Variants in MYPN observed in about 807,000 individuals in gnomAD.
MYPN encodes sarcomeric protein myopalladin, 145 kDa (MYOP).
MYPN carries 63 observed loss-of-function variants against 129.4 expected under a neutral mutation model. That is an observed-to-expected ratio of 0.49 (90% CI 0.40 to 0.60). MYPN has a LOEUF of 0.60. Among genes scored for constraint, MYPN ranks in the 20% least tolerant of loss-of-function variants. The probability of loss-of-function intolerance (pLI) is 0.00; values close to 1 mark genes in which losing one functional copy is unlikely to be tolerated. For missense variants in MYPN, 1,596 were observed against 1,635.4 expected (o/e 0.98, Z 0.42); for synonymous variants, 629 against 600.9 (o/e 1.05, Z -0.68).
chr10:68,161,134 C>T (rs1439523367), intron 7 of MYPN, among the ~76,000 whole-genome samples: 1 of 152,138 alleles, frequency 6.6e-6, no homozygotes, highest in African/African-American at 2.4e-5. Flanking sequence ...TCACAAACCT[C>T]CTTGGCTAAG....
At chr10:68,167,116 C>A (rs1341791646) in intron 10 of MYPN, among the ~76,000 whole-genome samples, 2 of 152,150 alleles carry the variant, frequency 1.3e-5, no homozygotes, top group Non-Finnish European at 2.9e-5. Flanking sequence ...AATGTACATC[C>A]TTACATCAAT....
chr10:68,099,328 A>G (rs1261573887), intron 1 of MYPN, among the ~76,000 whole-genome samples: 1 of 152,178 alleles, frequency 6.6e-6, no homozygotes, highest in African/African-American at 2.4e-5. Context: ...ATGAAGACCA[A>G]TTTCAAGGGC....
chr10:68,145,181 T>G (rs1278689012), intron 3 of MYPN, among the ~76,000 whole-genome samples: 1 of 152,022 alleles, frequency 6.6e-6, no homozygotes, highest in Non-Finnish European at 1.5e-5. Context: ...TGCACCACTA[T>G]GCCCAGCTAA....
intron 1 of MYPN, among the ~76,000 whole-genome samples, chr10:68,112,290 C>A (rs187387219): frequency 6.6e-6 from 1 of 152,174 alleles, no homozygotes; most frequent in Admixed American, 6.5e-5. Context: ...TTAAATAGTA[C>A]CTTTGAGCTC....
chr10:68,194,300 C>T, intron 13 of MYPN, 63 bp from the exon 14 acceptor site: 2 of 1,580,504 alleles, frequency 1.3e-6, no homozygotes, highest in African/African-American at 1.4e-5. Flanking sequence ...CACCCCAGAC[C>T]CTAGTTCATT....
intron 3 of MYPN, among the ~76,000 whole-genome samples, chr10:68,143,878 C>A (rs1185540235): frequency 1.3e-5 from 2 of 152,174 alleles, no homozygotes; most frequent in East Asian, 3.9e-4. Context: ...CCCCAGCCCC[C>A]CGAATAGCTG....
chr10:68,146,337 C>A (rs2042666510), intron 4 of MYPN, among the ~76,000 whole-genome samples: 1 of 152,110 alleles, frequency 6.6e-6, no homozygotes, highest in African/African-American at 2.4e-5. Context: ...ATTTGTCCTG[C>A]AAAACCCAGT....
In MYPN at chr10:68,195,789, GC is replaced by G. The variant is rs5785848; in HGVS notation, c.3158+258del. Among the ~76,000 whole-genome samples, 84,674 of 151,696 alleles carry G rather than the reference GC, an allele frequency of 0.56. 25,382 individuals carry two copies. The highest frequency in any genetic ancestry group is 0.66 in the Non-Finnish European group (44,817 of 67,834). On this transcript the variant is annotated intron_variant, in intron 15 of 19. Coordinates refer to ENST00000358913, the MANE Select transcript of MYPN (RefSeq NM_032578.4). ...AGTTTAACAAGCACTAGTCTCTGGG[GC>G]TTTTTTTTTAAGTTTGATTTTTATT...
intron 8 of MYPN, among the ~76,000 whole-genome samples, chr10:68,165,029 A>G (rs886493187): frequency 6.6e-6 from 1 of 152,132 alleles, no homozygotes; most frequent in Non-Finnish European, 1.5e-5. Flanking sequence ...TTTCACAGAA[A>G]CTTCCTTTTC....
At chr10:68,138,613 C>T (rs2042525152) in intron 2 of MYPN, among the ~76,000 whole-genome samples, 1 of 152,150 alleles carries the variant, frequency 6.6e-6, no homozygotes, top group South Asian at 2.1e-4. Context: ...AAAAATAGTT[C>T]TGTCTTCACA....
rs112015734 is a variant in MYPN at position 68,182,696 on chromosome 10, C to T, written c.2704-6209C>T. ...TACTTTTTTGTATTTTTAGTAGAGA[C>T]GAGGTTTCACCCCATTGGACTGGCT... On this transcript the variant is annotated intron_variant, in intron 12 of 19. Transcript: ENST00000358913. Among the ~76,000 whole-genome samples the T allele has an allele frequency of 4.9e-3, 750 of 151,746 alleles. 11 individuals carry two copies. The highest frequency in any genetic ancestry group is 0.017 in the African/African-American group (701 of 41,372).
chr10:68,185,592 G>A (rs1015041098), intron 12 of MYPN, among the ~76,000 whole-genome samples: 1 of 152,156 alleles, frequency 6.6e-6, no homozygotes, highest in Non-Finnish European at 1.5e-5. Flanking sequence ...CCACCCTCAT[G>A]AAAAGTTTGG....
At chr10:68,160,699 G>A (rs1467261125) in intron 7 of MYPN, among the ~76,000 whole-genome samples, 2 of 151,192 alleles carry the variant, frequency 1.3e-5, no homozygotes, top group Non-Finnish European at 3.0e-5. Flanking sequence ...GGCGGATCAC[G>A]TGAGGCCAGA....
rs35853407 is a variant in MYPN at position 68,161,515 on chromosome 10, CA to C, written c.1460-198del. On this transcript the variant is annotated intron_variant, in intron 7 of 19. Transcript: ENST00000358913. ...GGGCAACAAGAGTGAAACTCAGTCT[CA>C]AAAAAAAAAAAAAAAGTTTTTGCTC... 9.7e-3 allele frequency among the ~76,000 whole-genome samples: 1,128 copies of C among 116,758 alleles called. 8 individuals are homozygous for C. Among genetic ancestry groups the C allele is most frequent in the African/African-American group, 0.022 (761 of 34,024 alleles). The allele number at this position is 116,758 out of a possible 152,430, so 76.6% of individuals were successfully genotyped here.
chr10:68,209,671 CTT>C (rs35392300), intron 19 of MYPN, among the ~76,000 whole-genome samples: 43,683 of 131,506 alleles, frequency 0.33, 6,219 homozygotes, highest in South Asian at 0.4. Context: ...GAATTCTTTT[CTT>C]TTTTTTTTTT....
Position 68,109,634 on chromosome 10 carries a change from C to A in MYPN, c.-91C>A, listed in dbSNP as rs753003960. 3.3e-5 allele frequency: 15 copies of A among 454,088 alleles called. No individual in the cohort carries two copies. The highest frequency in any genetic ancestry group is 2.3e-4 in the South Asian group (15 of 64,476). The allele number at this position is 454,088 out of a possible 1,614,324, so 28.1% of individuals were successfully genotyped here. A position where few individuals can be genotyped will look rare whatever the true frequency, so the allele number is the denominator to read the frequency against. On this transcript the variant is annotated 5_prime_UTR_variant, in exon 1 of 20. Transcript: ENST00000358913. ...TGAAGAATTTCCCTCTTCTCCTGTG[C>A]TTTCATCTAAAAGTTCTCCCTGGAT...
chr10:68,136,534 C>T (rs2042489686), intron 2 of MYPN: 2 of 1,418,790 alleles, frequency 1.4e-6, no homozygotes, highest in African/African-American at 1.4e-5. Context: ...CAGCCTGATC[C>T]CTGCCTAATT....
intron 10 of MYPN, among the ~76,000 whole-genome samples, chr10:68,171,250 A>T (rs1048464794): frequency 7.2e-5 from 11 of 152,152 alleles, no homozygotes; most frequent in Non-Finnish European, 1.5e-4. Context: ...AAACACAATA[A>T]TTAACATTTA....
chr10:68,149,163 G>T (rs1443416660), intron 5 of MYPN, among the ~76,000 whole-genome samples: 2 of 151,730 alleles, frequency 1.3e-5, no homozygotes, highest in Admixed American at 1.3e-4. Context: ...GAGAGGTCAA[G>T]GTGACCTGTG....
Sources: gnomAD v4.1 joint callset for allele counts (sites outside exome capture counted in the v4.1 genomes callset) on GRCh38, gnomAD v4.1.1 for gene constraint, MANE v1.5 for transcripts, NCBI Gene and HGNC (gene_info 2026-07-23, HGNC 2026-07-21) for gene names.